The following KCNIP4 variants were observed in gnomAD, a reference collection of about 807,000 sequenced individuals.
KCNIP4 encodes the protein potassium voltage-gated channel interacting protein 4.
In KCNIP4, 12 loss-of-function variants were observed where a neutral mutation model predicts 34.0. That is an observed-to-expected ratio of 0.35 (90% CI 0.23 to 0.57). KCNIP4 has a LOEUF of 0.57. Among genes scored for constraint, KCNIP4 ranks in the 20% least tolerant of loss-of-function variants. KCNIP4 has a pLI of 0.83. For synonymous variants in KCNIP4, 124 were observed against 102.2 expected (o/e 1.21, Z -1.29); for missense variants, 238 against 311.7 (o/e 0.76, Z 1.78).
At chr4:21,021,362 T>C (rs533755815) in intron 1 of KCNIP4, among the ~76,000 whole-genome samples, 21 of 152,338 alleles carry the variant, frequency 1.4e-4, no homozygotes, top group African/African-American at 5.1e-4. Flanking sequence ...ATAAACATTG[T>C]ACACAGAGGT....
At chr4:21,001,241 T>G (rs1301960030) in intron 1 of KCNIP4, among the ~76,000 whole-genome samples, 1 of 152,218 alleles carries the variant, frequency 6.6e-6, no homozygotes, top group Non-Finnish European at 1.5e-5. Flanking sequence ...TATTTTGTAT[T>G]GTTATGTTAA....
intron 1 of KCNIP4, among the ~76,000 whole-genome samples, chr4:21,619,840 A>G (rs768189171): frequency 9.3e-4 from 141 of 152,348 alleles, no homozygotes; most frequent in Non-Finnish European, 1.1e-3. Flanking sequence ...CTCAGATATT[A>G]AAAATCATAA....
chr4:21,597,441 T>C (rs2109110687), intron 1 of KCNIP4, among the ~76,000 whole-genome samples: 1 of 152,254 alleles, frequency 6.6e-6, no homozygotes. Context: ...AATGGACTAA[T>C]ACACCCATGA....
intron 1 of KCNIP4, among the ~76,000 whole-genome samples, chr4:21,931,777 C>A (rs1729581672): frequency 6.6e-6 from 1 of 152,066 alleles, no homozygotes; most frequent in Non-Finnish European, 1.5e-5. Flanking sequence ...GATTTATAAT[C>A]CTTTGGGTAT....
chr4:21,692,677 C>T (rs1169372982), intron 1 of KCNIP4, among the ~76,000 whole-genome samples: 1 of 151,696 alleles, frequency 6.6e-6, no homozygotes, highest in Non-Finnish European at 1.5e-5. Context: ...CTTGTTTTAT[C>T]AGCAAAATTT....
chr4:20,958,519 G>A (rs1194544307), intron 1 of KCNIP4, among the ~76,000 whole-genome samples: 4 of 152,180 alleles, frequency 2.6e-5, no homozygotes. Flanking sequence ...TTGATGAAGA[G>A]GAATACGTAA....
intron 1 of KCNIP4, among the ~76,000 whole-genome samples, chr4:21,217,353 G>C (rs772053434): frequency 3.9e-5 from 6 of 152,226 alleles, no homozygotes; most frequent in African/African-American, 7.2e-5. Flanking sequence ...AAGTCTACAT[G>C]GTCGTTTTTG....
At chr4:21,761,890 A>G (rs188235802) in intron 1 of KCNIP4, among the ~76,000 whole-genome samples, 1 of 152,286 alleles carries the variant, frequency 6.6e-6, no homozygotes, top group Admixed American at 6.5e-5. Flanking sequence ...CAACACTTCC[A>G]TGATGGGATA....
At chr4:20,747,934 A>G (rs1752716095) in intron 5 of KCNIP4, among the ~76,000 whole-genome samples, 1 of 152,014 alleles carries the variant, frequency 6.6e-6, no homozygotes, top group African/African-American at 2.4e-5. Context: ...TTTAAACATG[A>G]CAGTTCTGTT....
chr4:21,268,423 C>T (rs1275886375), intron 1 of KCNIP4, among the ~76,000 whole-genome samples: 1 of 152,170 alleles, frequency 6.6e-6, no homozygotes, highest in Non-Finnish European at 1.5e-5. Flanking sequence ...AGGGATGCCA[C>T]TTCCCGTTTT....
chr4:21,281,087 CTT>C (rs375309491), intron 1 of KCNIP4, among the ~76,000 whole-genome samples: 23 of 133,148 alleles, frequency 1.7e-4, no homozygotes, highest in South Asian at 2.4e-4. Context: ...ACATTTTCTT[CTT>C]TTTTTTTTTT....
chr4:20,890,559 T>C (rs1725816645), intron 1 of KCNIP4, among the ~76,000 whole-genome samples: 1 of 152,180 alleles, frequency 6.6e-6, no homozygotes, highest in South Asian at 2.1e-4. Context: ...TTAATGTTTA[T>C]TGCTACCTAC....
At chr4:21,186,603 A>G (rs1388471626) in intron 1 of KCNIP4, among the ~76,000 whole-genome samples, 1 of 152,184 alleles carries the variant, frequency 6.6e-6, no homozygotes, top group Non-Finnish European at 1.5e-5. Flanking sequence ...GCATTTAAAG[A>G]ACACGTACAA....
intron 1 of KCNIP4, among the ~76,000 whole-genome samples, chr4:21,946,648 G>T (rs2109025698): frequency 6.6e-6 from 1 of 152,202 alleles, no homozygotes; most frequent in East Asian, 1.9e-4. Context: ...GAATAAAAAA[G>T]ATAATCCAAA....
chr4:21,788,616 T>C (rs954909229), intron 1 of KCNIP4, among the ~76,000 whole-genome samples: 3 of 152,184 alleles, frequency 2.0e-5, no homozygotes, highest in Non-Finnish European at 4.4e-5. Flanking sequence ...TCAAGAAATT[T>C]ACAGTTGATG....
At chr4:21,469,353 A>G (rs1054467470) in intron 1 of KCNIP4, among the ~76,000 whole-genome samples, 10 of 152,142 alleles carry the variant, frequency 6.6e-5, no homozygotes, top group African/African-American at 2.4e-4. Flanking sequence ...GCCAATATAC[A>G]TTATTTTTAT....
At chr4:21,258,869 A>T (rs998871174) in intron 1 of KCNIP4, among the ~76,000 whole-genome samples, 6 of 152,314 alleles carry the variant, frequency 3.9e-5, no homozygotes, top group African/African-American at 1.2e-4. Context: ...CACAGATTTT[A>T]AAAAACCCAG....
At chr4:21,142,712 G>A (rs1001261298) in intron 1 of KCNIP4, among the ~76,000 whole-genome samples, 1 of 152,098 alleles carries the variant, frequency 6.6e-6, no homozygotes, top group Non-Finnish European at 1.5e-5. Context: ...AGGAACTGAC[G>A]CAAATTGGGT....
intron 3 of KCNIP4, among the ~76,000 whole-genome samples, chr4:20,843,732 GAAAACAAAAC>G (rs767720784): frequency 1.3e-5 from 2 of 151,992 alleles, no homozygotes; most frequent in African/African-American, 4.8e-5. Context: ...TCCGTCTCAA[GAAAACAAAAC>G]AAAACAAAAC....
Sources: allele counts gnomAD v4.1 joint callset (sites outside exome capture counted in the v4.1 genomes callset), GRCh38; gene constraint gnomAD v4.1.1; transcripts MANE v1.5; gene names NCBI Gene and HGNC (gene_info 2026-07-23, HGNC 2026-07-21).